The following CHMP4B variants were observed in gnomAD, a reference collection of about 807,000 sequenced individuals.
CHMP4B encodes the protein charged multivesicular body protein 4B, also known as SNF7 homolog associated with Alix 1.
CHMP4B carries 1 observed loss-of-function variant against 25.1 expected under a neutral mutation model. The ratio of observed to expected loss-of-function variants is 0.04; its 90% CI spans 0.01 to 0.19. CHMP4B has a LOEUF of 0.19. Ranked by LOEUF, CHMP4B falls within the 10% of genes least tolerant of loss-of-function variation. The pLI is 1.00. For synonymous variants in CHMP4B, 101 were observed against 115.6 expected (o/e 0.87, Z 0.81); for missense variants, 151 against 289.7 (o/e 0.52, Z 3.48).
intron 1 of CHMP4B, among the ~76,000 whole-genome samples, chr20:33,837,847 G>A (rs988593844): frequency 6.6e-6 from 1 of 152,202 alleles, no homozygotes; most frequent in Admixed American, 6.5e-5. Flanking sequence ...GATCACACAA[G>A]ATCAACCAGA....
chr20:33,832,680 C>T (rs1568608209), intron 1 of CHMP4B, among the ~76,000 whole-genome samples: 1 of 152,026 alleles, frequency 6.6e-6, no homozygotes, highest in Non-Finnish European at 1.5e-5. Flanking sequence ...AAACATGTAC[C>T]ATACCTATGT....
At chr20:33,836,664 A>G (rs1219921799) in intron 1 of CHMP4B, among the ~76,000 whole-genome samples, 2 of 151,934 alleles carry the variant, frequency 1.3e-5, no homozygotes, top group Non-Finnish European at 2.9e-5. Flanking sequence ...CTCTCCATGC[A>G]GCTCTCTCCT....
intron 1 of CHMP4B, among the ~76,000 whole-genome samples, chr20:33,815,811 G>A (rs2122780566): frequency 6.6e-6 from 1 of 152,312 alleles, no homozygotes; most frequent in Admixed American, 6.5e-5. Flanking sequence ...TGTTGACTGT[G>A]GGCATCTTGT....
chr20:33,852,594 C>G (rs1228595591), intron 4 of CHMP4B, among the ~76,000 whole-genome samples: 2 of 152,190 alleles, frequency 1.3e-5, no homozygotes, highest in Non-Finnish European at 2.9e-5. Context: ...TCAGACATGG[C>G]CAAATGTCCC....
chr20:33,846,624 G>A (rs1911489360), intron 1 of CHMP4B, among the ~76,000 whole-genome samples: 1 of 152,216 alleles, frequency 6.6e-6, no homozygotes, highest in Non-Finnish European at 1.5e-5. Flanking sequence ...TTTTCCCTTG[G>A]CAAATGGTCC....
At chr20:33,832,775 A>ATT (rs35940987) in intron 1 of CHMP4B, among the ~76,000 whole-genome samples, 10,952 of 138,190 alleles carry the variant, frequency 0.079, 623 homozygotes, top group Admixed American at 0.2. Context: ...ACAATAAATG[A>ATT]TTTTTTTTTT....
At chr20:33,817,484 T>A (rs1978813665) in intron 1 of CHMP4B, among the ~76,000 whole-genome samples, 3 of 152,216 alleles carry the variant, frequency 2.0e-5, no homozygotes, top group Admixed American at 2.0e-4. Context: ...CTGTTTTGCT[T>A]GGAGAAACCT....
rs1978599792 is a variant in CHMP4B at position 33,811,392 on chromosome 20, GC to G, written c.-75del. 7 of 1,214,940 alleles carry G rather than the reference GC, an allele frequency of 5.8e-6. No homozygotes were observed. In the South Asian group the frequency reaches 8.3e-5, roughly 14 times the overall value. 75.3% of individuals were successfully genotyped at this position (1,214,940 alleles called of 1,614,324 possible). A position where few individuals can be genotyped will look rare whatever the true frequency, so the allele number is the denominator to read the frequency against. ...GGGAGCGGCGGGACTGGGAGCGGGC[GC>G]CGGAGCCGACCCGAGCCGAGCCGAG... is the stretch of plus-strand genomic sequence containing the variant. On this transcript the variant is annotated 5_prime_UTR_variant, in exon 1 of 5. Coordinates refer to ENST00000217402, the MANE Select transcript of CHMP4B (RefSeq NM_176812.5).
chr20:33,829,925 C>G (rs1979193017), intron 1 of CHMP4B, among the ~76,000 whole-genome samples: 1 of 151,774 alleles, frequency 6.6e-6, no homozygotes, highest in South Asian at 2.1e-4. Context: ...CTGGCTGAAT[C>G]TTGTTCAGGT....
chr20:33,817,722 G>A (rs1008466183), intron 1 of CHMP4B, among the ~76,000 whole-genome samples: 1 of 152,192 alleles, frequency 6.6e-6, no homozygotes, highest in Admixed American at 6.5e-5. Context: ...ATTATTTTGG[G>A]TTGTGCCACT....
chr20:33,823,164 C>T (rs1388165993), intron 1 of CHMP4B, among the ~76,000 whole-genome samples: 1 of 152,030 alleles, frequency 6.6e-6, no homozygotes, highest in Admixed American at 6.6e-5. Context: ...AAAAGTATCC[C>T]CAGGAAATGA....
chr20:33,816,918 C>T (rs775195560), intron 1 of CHMP4B, among the ~76,000 whole-genome samples: 3 of 152,218 alleles, frequency 2.0e-5, no homozygotes, highest in South Asian at 2.1e-4. Context: ...GCCAGAAGCT[C>T]ACAAGAGATA....
In CHMP4B at chr20:33,853,506, A is replaced by G. The variant is rs1222313870; in HGVS notation, c.621A>G (p.Lys207=). The G allele has an allele frequency of 1.2e-6, 2 of 1,613,672 alleles. No individual in the cohort carries two copies. Among genetic ancestry groups the G allele is most frequent in the Admixed American group, 1.7e-5 (1 of 59,972 alleles). Residue 207 remains lysine (K), a synonymous_variant, in exon 5 of 5, where the codon AAA becomes AAG. Transcript: ENST00000217402. ...TCTGTCTTCACACAGCCAAGAAGAA[A>G]GAAGAGGAGGACGACGACATGAAGG... The part of the protein sequence containing the change: ...IALPSKPAKK[K]EEEDDDMKEL...
At chr20:33,838,529 G>A (rs544743051) in intron 1 of CHMP4B, among the ~76,000 whole-genome samples, 2 of 152,326 alleles carry the variant, frequency 1.3e-5, no homozygotes, top group East Asian at 3.9e-4. Flanking sequence ...TGTGTAATAT[G>A]TAATATTCAA....
At position 33,853,371 on chromosome 20, in the gene CHMP4B, A is replaced by C. The variant is rs1446563273; in HGVS notation, c.611-125A>C. 3 of 832,806 alleles carry C rather than the reference A, an allele frequency of 3.6e-6. No homozygotes were observed. In the African/African-American group the frequency reaches 5.0e-5, roughly 14 times the overall value. The allele number at this position is 832,806 out of a possible 1,614,324, so 51.6% of individuals were successfully genotyped here. ...AAGGAGCAGTCTCCCTACAGCCTGG[A>C]GAGGAGTCTGGCCACAGGGCAGGGC... On this transcript the variant is annotated intron_variant, in intron 4 of 4. Transcript: ENST00000217402.
At chr20:33,831,095 ATTT>A (rs556330396) in intron 1 of CHMP4B, among the ~76,000 whole-genome samples, 3 of 134,742 alleles carry the variant, frequency 2.2e-5, no homozygotes, top group Admixed American at 7.5e-5. Context: ...TGCTCAGCTA[ATTT>A]TTTTTTTTTT....
chr20:33,822,857 C>T lies in CHMP4B; in HGVS notation c.190+11199C>T, dbSNP rs190409216. On this transcript the variant is annotated intron_variant, in intron 1 of 4. Transcript: ENST00000217402. Reference sequence around the variant, plus strand: ...TCACCCAGGCTGGAGTGCAGCGGTGCGATCTTGGCTCACTGCAAGCTCCAC... The same window carrying T: ...TCACCCAGGCTGGAGTGCAGCGGTGTGATCTTGGCTCACTGCAAGCTCCAC... 1.3e-3 allele frequency among the ~76,000 whole-genome samples: 204 copies of T among 151,764 alleles called. 1 individual carries two copies. The highest frequency in any genetic ancestry group is 7.8e-3 in the Admixed American group (119 of 15,258).
In CHMP4B at chr20:33,839,588, C is replaced by T. The variant is rs1447843133; in HGVS notation, c.191-8879C>T. Among the ~76,000 whole-genome samples the T allele has an allele frequency of 3.3e-5, 5 of 152,222 alleles. No homozygotes were observed. In the East Asian group the frequency reaches 7.7e-4, roughly 24 times the overall value. On this transcript the variant is annotated intron_variant, in intron 1 of 4. Coordinates refer to ENST00000217402, the MANE Select transcript of CHMP4B (RefSeq NM_176812.5). ...TTTTACTGCATACCATCTGGACTGT[C>T]GCTAGTGGACAGTTTGTGGGCAGAA...
At chr20:33,816,597 G>A (rs1978788270) in intron 1 of CHMP4B, among the ~76,000 whole-genome samples, 1 of 151,200 alleles carries the variant, frequency 6.6e-6, no homozygotes, top group Non-Finnish European at 1.5e-5. Context: ...GAACATGTGG[G>A]AAAAAAAAGA....
Sources: gnomAD v4.1 joint callset for allele counts (sites outside exome capture counted in the v4.1 genomes callset) on GRCh38, gnomAD v4.1.1 for gene constraint, MANE v1.5 for transcripts, NCBI Gene and HGNC (gene_info 2026-07-23, HGNC 2026-07-21) for gene names.